Variants in SLAIN2 observed in about 807,000 individuals in gnomAD.
SLAIN2 encodes SLAIN family member 2, also known as SLAIN motif-containing protein 2.
SLAIN2 carries 31 observed loss-of-function variants against 56.6 expected under a neutral mutation model. The ratio of observed to expected loss-of-function variants is 0.55; its 90% CI spans 0.41 to 0.74. The LOEUF is 0.74. Among genes scored for constraint, SLAIN2 ranks in the 30% least tolerant of loss-of-function variants. The pLI, the probability that SLAIN2 is intolerant of heterozygous loss-of-function variation, is 0.00. For missense variants in SLAIN2, 777 were observed against 754.2 expected (o/e 1.03, Z -0.35); for synonymous variants, 317 against 284.9 (o/e 1.11, Z -1.13).
intron 3 of SLAIN2, among the ~76,000 whole-genome samples, chr4:48,379,417 C>G (rs1715914813): frequency 6.6e-6 from 1 of 151,972 alleles, no homozygotes; most frequent in Admixed American, 6.5e-5. Flanking sequence ...AATTACTTGC[C>G]AGGCACTGTG....
At chr4:48,374,858 A>T (rs142955507) in intron 2 of SLAIN2, among the ~76,000 whole-genome samples, 297 of 152,296 alleles carry the variant, frequency 2.0e-3, no homozygotes, top group African/African-American at 7.0e-3. Context: ...CTGCGACAAG[A>T]TGAATATTGG....
intron 1 of SLAIN2, among the ~76,000 whole-genome samples, chr4:48,367,380 T>C (rs1031583964): frequency 1.3e-5 from 2 of 152,214 alleles, no homozygotes; most frequent in African/African-American, 2.4e-5. Context: ...TTTTCATCAC[T>C]ATGAATAAGT....
At chr4:48,374,009 G>C (rs1393168058) in intron 2 of SLAIN2, among the ~76,000 whole-genome samples, 2 of 152,108 alleles carry the variant, frequency 1.3e-5, no homozygotes, top group Non-Finnish European at 2.9e-5. Context: ...TTGCTCTCCA[G>C]CCTGGGCAGC....
chr4:48,420,304 C>T lies in SLAIN2; in HGVS notation c.1540C>T (p.Pro514Ser). 1 of 1,613,972 alleles carries T rather than the reference C, an allele frequency of 6.2e-7. No homozygotes were observed. Residue 514 changes from proline to serine, a missense_variant, in exon 7 of 8, where the codon CCT (proline) becomes TCT (serine). Transcript: ENST00000264313. Reference protein sequence around the residue: ...PMVQSTVSANPPSNINSATLT... With the variant: ...PMVQSTVSANSPSNINSATLT... Reference sequence around the variant, plus strand: ...GGTTCAGAGCACAGTCTCAGCAAATCCTCCCAGCAATATCAACAGCGCTAC... The same window carrying T: ...GGTTCAGAGCACAGTCTCAGCAAATTCTCCCAGCAATATCAACAGCGCTAC...
intron 6 of SLAIN2, among the ~76,000 whole-genome samples, chr4:48,384,630 CAT>C (rs1388161856): frequency 6.6e-6 from 1 of 152,100 alleles, no homozygotes; most frequent in Admixed American, 6.5e-5. Context: ...AGAAAGAACA[CAT>C]GTAGATTATA....
intron 1 of SLAIN2, among the ~76,000 whole-genome samples, chr4:48,358,799 C>T (rs937111683): frequency 2.0e-5 from 3 of 151,976 alleles, no homozygotes; most frequent in African/African-American, 7.3e-5. Flanking sequence ...CAGCTCACTA[C>T]AACCTCCTCC....
intron 1 of SLAIN2, among the ~76,000 whole-genome samples, chr4:48,342,641 A>G (rs1296458562): frequency 1.3e-5 from 2 of 149,296 alleles, no homozygotes; most frequent in Non-Finnish European, 3.0e-5. Flanking sequence ...AGACCGTATG[A>G]ATCAGCACTC....
intron 6 of SLAIN2, among the ~76,000 whole-genome samples, chr4:48,408,916 A>G (rs1407836724): frequency 6.6e-6 from 1 of 152,054 alleles, no homozygotes; most frequent in African/African-American, 2.4e-5. Context: ...CTTTTATAAC[A>G]TTTTTACTGT....
chr4:48,382,842 G>A lies in SLAIN2; in HGVS notation c.1137G>A (p.Gln379=). The change falls in exon 5 of 8, where the codon CAG becomes CAA. Residue 379 remains glutamine (Q), a synonymous_variant. Coordinates refer to ENST00000264313, the MANE Select transcript of SLAIN2 (RefSeq NM_020846.2). ...TAGAATATAGTAGAGTGTCCCCACA[G>A]CCTATGATTAGCCGCTTACAGCAAC... ...RGIEYSRVSP[Q]PMISRLQQPR... is the part of the protein sequence containing the mutation. 1.2e-6 allele frequency: 2 copies of A among 1,613,724 alleles called. No individual in the cohort carries two copies. Among genetic ancestry groups the A allele is most frequent in the South Asian group, 2.2e-5 (2 of 91,060 alleles).
chr4:48,376,903 G>A (rs1451883084), intron 2 of SLAIN2, among the ~76,000 whole-genome samples: 2 of 138,888 alleles, frequency 1.4e-5, no homozygotes, highest in African/African-American at 5.4e-5. Flanking sequence ...GAGCCACCGC[G>A]CCCGGCCGAC....
At chr4:48,404,821 C>T (rs1442747655) in intron 6 of SLAIN2, among the ~76,000 whole-genome samples, 5 of 152,120 alleles carry the variant, frequency 3.3e-5, no homozygotes, top group Non-Finnish European at 7.4e-5. Context: ...TGTATCCAAT[C>T]AACCTCATTA....
intron 6 of SLAIN2, among the ~76,000 whole-genome samples, chr4:48,416,570 T>G (rs1367325745): frequency 1.3e-5 from 2 of 150,568 alleles, no homozygotes; most frequent in Non-Finnish European, 3.0e-5. Context: ...CCTGCCTGAT[T>G]GCCCTGGCCA....
chr4:48,354,916 T>G (rs189406000), intron 1 of SLAIN2, among the ~76,000 whole-genome samples: 77 of 152,030 alleles, frequency 5.1e-4, no homozygotes, highest in Non-Finnish European at 6.9e-4. Context: ...TCTTTTTTTT[T>G]GAGAAGGAGT....
At chr4:48,404,425 C>G (rs1316214907) in intron 6 of SLAIN2, among the ~76,000 whole-genome samples, 1 of 152,042 alleles carries the variant, frequency 6.6e-6, no homozygotes, top group Non-Finnish European at 1.5e-5. Flanking sequence ...TATCCTTCCT[C>G]TTTGCTTCTC....
At chr4:48,363,386 G>A (rs1188939815) in intron 1 of SLAIN2, among the ~76,000 whole-genome samples, 492 of 59,304 alleles carry the variant, frequency 8.3e-3, no homozygotes, top group Middle Eastern at 0.037. Context: ...TGGCCGGGCG[G>A]GGGGGCTGAC....
At chr4:48,359,544 T>A (rs1322542942) in intron 1 of SLAIN2, among the ~76,000 whole-genome samples, 1 of 152,204 alleles carries the variant, frequency 6.6e-6, no homozygotes, top group Non-Finnish European at 1.5e-5. Flanking sequence ...TATTAATATA[T>A]GTCTATGTGA....
At chr4:48,395,074 G>A (rs1327897636) in intron 6 of SLAIN2, among the ~76,000 whole-genome samples, 2 of 152,156 alleles carry the variant, frequency 1.3e-5, no homozygotes, top group African/African-American at 4.8e-5. Context: ...GGTAGTTGAA[G>A]TTAAATCACA....
chr4:48,364,747 C>G (rs867031028), intron 1 of SLAIN2, among the ~76,000 whole-genome samples: 2 of 133,268 alleles, frequency 1.5e-5, no homozygotes, highest in Non-Finnish European at 1.6e-5. Flanking sequence ...TGCCTGCAAT[C>G]GCAGGCACTC....
chr4:48,378,955 T>C (rs544285950), intron 3 of SLAIN2, among the ~76,000 whole-genome samples: 19 of 152,314 alleles, frequency 1.2e-4, no homozygotes, highest in Admixed American at 1.2e-3. Context: ...CTGACTGTTA[T>C]GGTGAAGAAT....
Sources: allele counts gnomAD v4.1 joint callset (sites outside exome capture counted in the v4.1 genomes callset), GRCh38; gene constraint gnomAD v4.1.1; transcripts MANE v1.5; gene names NCBI Gene and HGNC (gene_info 2026-07-23, HGNC 2026-07-21).